The following ANKRD52 variants were observed in gnomAD, a reference collection of about 807,000 sequenced individuals.
The protein encoded by ANKRD52 is serine/threonine-protein phosphatase 6 regulatory ankyrin repeat subunit C.
ANKRD52 carries 7 observed loss-of-function variants against 116.0 expected under a neutral mutation model. That is an observed-to-expected ratio of 0.06 (90% CI 0.03 to 0.11). The LOEUF (loss-of-function observed/expected upper bound fraction) is 0.11, where lower values mean the gene tolerates loss of function less well. Ranked by LOEUF, ANKRD52 falls within the 10% of genes least tolerant of loss-of-function variation. ANKRD52 has a pLI of 1.00. For synonymous variants in ANKRD52, 528 were observed against 578.1 expected (o/e 0.91, Z 1.24); for missense variants, 839 against 1,408.6 (o/e 0.60, Z 6.47).
Position 56,241,750 on chromosome 12 carries a change from A to G in ANKRD52, c.*1392T>C. On this transcript the variant is annotated 3_prime_UTR_variant, in exon 28 of 28. Coordinates refer to ENST00000267116, the MANE Select transcript of ANKRD52 (RefSeq NM_173595.4). Reference sequence around the variant, plus strand: ...CAACTGTCCAGGAGGCTGCACTAGGAGATGGGTGGACAGAGCACTTAAAGG... The same window carrying G: ...CAACTGTCCAGGAGGCTGCACTAGGGGATGGGTGGACAGAGCACTTAAAGG... 1 of 372,236 alleles carries G rather than the reference A, an allele frequency of 2.7e-6. No homozygotes were observed. The highest frequency in any genetic ancestry group is 2.1e-5 in the African/African-American group (1 of 48,266). The allele number at this position is 372,236 out of a possible 1,614,324, so 23.1% of individuals were successfully genotyped here.
At position 56,248,998 on chromosome 12, in the gene ANKRD52, G is replaced by C. The variant is rs1009395651; in HGVS notation, c.1593-128C>G. ...TGGCCGCCACCCGTCCTCAGCTCTA[G>C]GTAGGTTCTCTAAATCCTACCCATT... On this transcript the variant is annotated intron_variant, in intron 15 of 27. Coordinates refer to ENST00000267116, the MANE Select transcript of ANKRD52 (RefSeq NM_173595.4). This position sits in a 1 kb window ranked among gnomAD's most constrained non-coding sequence, Gnocchi z 5.1. 6 of 609,214 alleles carry C rather than the reference G, an allele frequency of 9.8e-6. No individual in the cohort carries two copies. The highest frequency in any genetic ancestry group is 9.3e-5 in the African/African-American group (5 of 53,770). 37.7% of individuals were successfully genotyped at this position (609,214 alleles called of 1,614,324 possible).
Position 56,248,732 on chromosome 12 carries a change from T to C in ANKRD52, c.1704+27A>G. The stretch of plus-strand genomic sequence containing the variant: ...CCCTGTGCCCTGCCCCTGCCTCCCC[T>C]CCTGCAGGCCGGGCCCCAACACATA... On this transcript the variant is annotated intron_variant, in intron 16 of 27. Coordinates refer to ENST00000267116, the MANE Select transcript of ANKRD52 (RefSeq NM_173595.4). The surrounding 1 kb of genome is among the most constrained non-coding windows in gnomAD (Gnocchi z 5.1). 1 of 1,576,342 alleles carries C rather than the reference T, an allele frequency of 6.3e-7. No homozygotes were observed. The highest frequency in any genetic ancestry group is 8.7e-7 in the Non-Finnish European group (1 of 1,155,066).
chr12:56,245,583 C>T lies in ANKRD52; in HGVS notation c.2198G>A (p.Cys733Tyr). 3 of 1,605,946 alleles carry T rather than the reference C, an allele frequency of 1.9e-6. No homozygotes were observed. Among genetic ancestry groups the T allele is most frequent in the Non-Finnish European group, 2.5e-6 (3 of 1,177,898 alleles). Residue 733 changes from cysteine to tyrosine, a missense_variant, in exon 21 of 28, where the codon TGT (cysteine) becomes TAT (tyrosine). By Grantham distance (194) the Cys-to-Tyr change is radical. Transcript: ENST00000267116. ...CAGCAGGGCAGCCAGGCAGTCCTCA[C>T]AGCCAGTCACTGCCTGTGAGTAACA... ...TALHRGAVTGCEDCLAALLDH... is the reference protein window; with the variant it reads ...TALHRGAVTGYEDCLAALLDH...
chr12:56,257,489 G>A, intron 2 of ANKRD52, 128 bp from the exon 3 acceptor site: 2 of 898,012 alleles, frequency 2.2e-6, no homozygotes, highest in African/African-American at 1.7e-5. Flanking sequence ...AGCGTCCTAA[G>A]TCCCGGTATT....
chr12:56,250,602 G>A (rs1217383059), intron 15 of ANKRD52, among the ~76,000 whole-genome samples: 4 of 151,270 alleles, frequency 2.6e-5, no homozygotes, highest in Non-Finnish European at 5.9e-5. Flanking sequence ...AAAAATTGTG[G>A]GCTAGGTGTG....
chr12:56,257,932 C>A (rs775702848), intron 1 of ANKRD52, 21 bp from the exon 2 acceptor site: 1 of 1,518,290 alleles, frequency 6.6e-7, no homozygotes, highest in Non-Finnish European at 9.0e-7. Flanking sequence ...AACCGGCATT[C>A]TGAGAGCGGG....
chr12:56,251,979 G>A (rs778016895), intron 15 of ANKRD52, 36 bp downstream of exon 15: 63 of 1,603,568 alleles, frequency 3.9e-5, no homozygotes, highest in Non-Finnish European at 4.7e-5. Context: ...CATGGGTTGG[G>A]GAAAGCACAT....
rs1489016853 is a variant in ANKRD52 at position 56,244,457 on chromosome 12, G to A, written c.2723-22C>T. 1.2e-6 allele frequency: 2 copies of A among 1,612,484 alleles called. No homozygotes were observed. Among genetic ancestry groups the A allele is most frequent in the African/African-American group, 1.3e-5 (1 of 74,876 alleles). ...AATTCTACGAGAGAAATGTGATAGAGGGACTGACCCCTCCCTCCAGAGCAG... is the reference window on the plus strand; with the variant it reads ...AATTCTACGAGAGAAATGTGATAGAAGGACTGACCCCTCCCTCCAGAGCAG... On this transcript the variant is annotated intron_variant, in intron 24 of 27. Coordinates refer to ENST00000267116, the MANE Select transcript of ANKRD52 (RefSeq NM_173595.4). The surrounding 1 kb of genome is among the most constrained non-coding windows in gnomAD (Gnocchi z 4.9).
Position 56,252,015 on chromosome 12 carries a change from A to C in ANKRD52, c.1592T>G (p.Phe531Cys). The change falls in exon 15 of 28, where the codon TTC (phenylalanine) becomes TGC (cysteine). Residue 531 changes from phenylalanine (F) to cysteine (C), a missense_variant and splice_region_variant. Physicochemically the swap from Phe to Cys is radical, Grantham distance 205. Coordinates refer to ENST00000267116, the MANE Select transcript of ANKRD52 (RefSeq NM_173595.4). This position sits in a 1 kb window ranked among gnomAD's most constrained non-coding sequence, Gnocchi z 4.7. ...CCCAGGGGCCCTCTCTGCTACTCAC[A>C]AGAAGGCCTCCTTCCTGCGGGACTC... is the stretch of plus-strand genomic sequence containing the variant. ...LKESRRKEAF[F>C]CLEFLLDNGA... 1 of 1,613,292 alleles carries C rather than the reference A, an allele frequency of 6.2e-7. No individual in the cohort carries two copies. The highest frequency in any genetic ancestry group is 8.5e-7 in the Non-Finnish European group (1 of 1,179,798).
At position 56,243,421 on chromosome 12, in the gene ANKRD52, A is replaced by G; in HGVS notation, c.2981-29T>C. 5 of 1,608,980 alleles carry G rather than the reference A, an allele frequency of 3.1e-6. No homozygotes were observed. Among genetic ancestry groups the G allele is most frequent in the Non-Finnish European group, 4.2e-6 (5 of 1,177,432 alleles). On this transcript the variant is annotated intron_variant, in intron 27 of 27. Transcript: ENST00000267116. The surrounding 1 kb of genome is among the most constrained non-coding windows in gnomAD (Gnocchi z 4.6). The stretch of plus-strand genomic sequence containing the variant: ...CAGGGCCAAGGGGGAGAACTGAGGC[A>G]TAGAGTCCTGTATCCTAGCCAGCCT...
chr12:56,249,690 G>C (rs192216663), intron 15 of ANKRD52, among the ~76,000 whole-genome samples: 2 of 152,212 alleles, frequency 1.3e-5, no homozygotes, highest in Admixed American at 6.5e-5. Context: ...GATCACCCGC[G>C]GTCAGGAGTT....
rs778797235 is a variant in ANKRD52, at chr12:56,254,277, G to A, written c.696C>T (p.Ile232=). 24 of 1,613,236 alleles carry A rather than the reference G, an allele frequency of 1.5e-5. No individual in the cohort carries two copies. The highest frequency in any genetic ancestry group is 6.7e-5 in the East Asian group (3 of 44,888). Residue 232 remains isoleucine (I), a splice_region_variant and synonymous_variant, in exon 8 of 28, where the codon ATC becomes ATT. Transcript: ENST00000267116. The surrounding 1 kb of genome is among the most constrained non-coding windows in gnomAD (Gnocchi z 4.6). Reference sequence around the variant, plus strand: ...TGTTTCCAAAAGCATTGGGTTCATCGATCTGGATATTCAGGGGTGAGAGTA... The same window carrying A: ...TGTTTCCAAAAGCATTGGGTTCATCAATCTGGATATTCAGGGGTGAGAGTA... ...VKYLLRMGAE[I]DEPNAFGNTA...
At chr12:56,257,531 G>T (rs1872015508) in intron 2 of ANKRD52, among the ~76,000 whole-genome samples, 170 bp from the exon 3 acceptor site, 1 of 152,110 alleles carries the variant, frequency 6.6e-6, no homozygotes, top group Non-Finnish European at 1.5e-5. Flanking sequence ...AGGGAGGGTG[G>T]AGTCAGGGCC....
chr12:56,248,002 C>A lies in ANKRD52; in HGVS notation c.1978+21G>T. The A allele has an allele frequency of 1.3e-6, 2 of 1,572,458 alleles. No homozygotes were observed. Among genetic ancestry groups the A allele is most frequent in the Non-Finnish European group, 1.7e-6 (2 of 1,165,240 alleles). On this transcript the variant is annotated intron_variant, in intron 18 of 27. Coordinates refer to ENST00000267116, the MANE Select transcript of ANKRD52 (RefSeq NM_173595.4). The surrounding 1 kb of genome is among the most constrained non-coding windows in gnomAD (Gnocchi z 5.1). ...ATCTGGCATGGCAAGGGTAGGGCAGCAGCCTAAAGTGGGCACTAACCAGCA... is the reference window on the plus strand; with the variant it reads ...ATCTGGCATGGCAAGGGTAGGGCAGAAGCCTAAAGTGGGCACTAACCAGCA...
intron 20 of ANKRD52, among the ~76,000 whole-genome samples, chr12:56,245,967 G>A (rs561238079): frequency 2.6e-4 from 40 of 151,640 alleles, no homozygotes; most frequent in East Asian, 7.8e-4. Context: ...CGCCTGCCTC[G>A]GCCTCCCAAA....
chr12:56,245,521 C>CCTT lies in ANKRD52; in HGVS notation c.2257_2259dup (p.Lys753dup). 1.2e-6 allele frequency: 2 copies of CCTT among 1,611,564 alleles called. No homozygotes were observed. The highest frequency in any genetic ancestry group is 1.7e-6 in the Non-Finnish European group (2 of 1,178,984). ...GAGGCCAGGTGAATGGGCGTGCGGC[C>CCTT]CTTAAAGTCTCGGCACAGCACAAAT... On this transcript the variant is annotated inframe_insertion, in exon 21 of 28. Transcript: ENST00000267116.
chr12:56,249,725 G>A (rs966292251), intron 15 of ANKRD52, among the ~76,000 whole-genome samples: 4 of 152,226 alleles, frequency 2.6e-5, no homozygotes, highest in Admixed American at 6.5e-5. Context: ...CCAACATGGC[G>A]AAACCCTGTT....
intron 20 of ANKRD52, 69 bp downstream of exon 20, chr12:56,247,424 C>T (rs1871463813): frequency 1.6e-6 from 2 of 1,288,284 alleles, no homozygotes; most frequent in Non-Finnish European, 2.2e-6. Context: ...GGATTCCCTA[C>T]TGCTGGTGAG....
rs1467919416 is a variant in ANKRD52, at chr12:56,243,966, G to A, written c.2888+85C>T. The A allele has an allele frequency of 3.8e-6, 6 of 1,599,046 alleles. No homozygotes were observed. Among genetic ancestry groups the A allele is most frequent in the African/African-American group, 1.3e-5 (1 of 74,554 alleles). On this transcript the variant is annotated intron_variant, in intron 26 of 27. Transcript: ENST00000267116. This position sits in a 1 kb window ranked among gnomAD's most constrained non-coding sequence, Gnocchi z 4.6. ...CAAGGGTGCTGAACAAATACAATGG[G>A]CTCCAGAGAGCCTCTGAACAGCGGC...
Sources: allele counts gnomAD v4.1 joint callset (sites outside exome capture counted in the v4.1 genomes callset), GRCh38; gene constraint gnomAD v4.1.1; non-coding constraint Gnocchi (gnomAD v3.1); transcripts MANE v1.5; gene names NCBI Gene and HGNC (gene_info 2026-07-23, HGNC 2026-07-21).